The following PCDHGA6 variants were observed in gnomAD, a reference collection of about 807,000 sequenced individuals.
PCDHGA6 encodes protocadherin gamma-A6.
Under a neutral mutation model 60.6 loss-of-function variants are expected in PCDHGA6, and 41 were observed. The ratio of observed to expected loss-of-function variants is 0.68; its 90% CI spans 0.53 to 0.88. The LOEUF is 0.88. Ranked by LOEUF, PCDHGA6 falls within the 40% of genes least tolerant of loss-of-function variation. The pLI, the probability that PCDHGA6 is intolerant of heterozygous loss-of-function variation, is 0.00. For synonymous variants in PCDHGA6, 594 were observed against 524.4 expected, an observed-to-expected ratio of 1.13 and a Z score of -1.81; for missense variants, 1,312 against 1,203.0, an observed-to-expected ratio of 1.09 and a Z score of -1.34.
intron 1 of PCDHGA6, chr5:141,417,232 G>A (rs997894028): frequency 6.6e-6 from 1 of 152,072 alleles, no homozygotes; most frequent in Admixed American, 6.6e-5. Context: ...AAAATTTGTT[G>A]CTTATCTTCA....
rs747156698 is a variant in PCDHGA6 at position 141,385,112 on chromosome 5, C to T, written c.2424+8605C>T. ...GGTGGCTTGGCGAACGTGCCCACCT[C>T]GCACTTTGTGGGCATGGACGGGGTG... On this transcript the variant is annotated intron_variant, in intron 1 of 3. Coordinates refer to ENST00000517434, the MANE Select transcript of PCDHGA6 (RefSeq NM_018919.3). 6 of 1,614,200 alleles carry T rather than the reference C, an allele frequency of 3.7e-6. No homozygotes were observed. The highest frequency in any genetic ancestry group is 2.7e-5 in the African/African-American group (2 of 75,070).
intron 1 of PCDHGA6, among the ~76,000 whole-genome samples, chr5:141,401,410 A>C (rs536817103): frequency 6.6e-6 from 1 of 152,236 alleles, no homozygotes; most frequent in South Asian, 2.1e-4. Flanking sequence ...TGAGAGAGAA[A>C]GAGAGAGACT....
intron 1 of PCDHGA6, chr5:141,414,528 C>T: frequency 6.2e-7 from 1 of 1,613,970 alleles, no homozygotes; most frequent in Non-Finnish European, 8.5e-7. Flanking sequence ...ATATCAATGA[C>T]AACCCACCTA....
Position 141,486,558 on chromosome 5 carries a change from T to C in PCDHGA6, c.2425-8249T>C, listed in dbSNP as rs544575797. 1 of 1,614,034 alleles carries C rather than the reference T, an allele frequency of 6.2e-7. No homozygotes were observed. Among genetic ancestry groups the C allele is most frequent in the Non-Finnish European group, 8.5e-7 (1 of 1,180,012 alleles). ...TCTTTCTTTCAGAGGTCACATGAGG[T>C]GTTTGTTCCTGAGAACAATCGCCCA... On this transcript the variant is annotated intron_variant, in intron 1 of 3. Coordinates refer to ENST00000517434, the MANE Select transcript of PCDHGA6 (RefSeq NM_018919.3). This position sits in a 1 kb window ranked among gnomAD's most constrained non-coding sequence, Gnocchi z 5.0.
intron 1 of PCDHGA6, chr5:141,393,806 CA>C (rs1489692597): frequency 6.2e-7 from 1 of 1,613,866 alleles, no homozygotes; most frequent in Non-Finnish European, 8.5e-7. Context: ...TGGGGAGGAC[CA>C]AATTGCTCAT....
intron 1 of PCDHGA6, among the ~76,000 whole-genome samples, chr5:141,464,286 A>AT (rs1453289283): frequency 6.6e-6 from 1 of 151,420 alleles, no homozygotes; most frequent in African/African-American, 2.4e-5. Flanking sequence ...AAGCAAAAAA[A>AT]AAAACTCCAT....
chr5:141,398,900 G>C (rs765284630), intron 1 of PCDHGA6: 1 of 1,613,964 alleles, frequency 6.2e-7, no homozygotes, highest in South Asian at 1.1e-5. Context: ...GTGCCACCAG[G>C]CACCACTGTG....
intron 1 of PCDHGA6, chr5:141,421,895 GA>G: frequency 6.2e-7 from 1 of 1,613,730 alleles, no homozygotes; most frequent in African/African-American, 1.3e-5. Flanking sequence ...GATCCCATCC[GA>G]AAGGGCGCAG....
At position 141,476,994 on chromosome 5, in the gene PCDHGA6, A is replaced by T; in HGVS notation, c.2425-17813A>T. 6.2e-7 allele frequency: 1 copy of T among 1,614,260 alleles called. No individual in the cohort carries two copies. The highest frequency in any genetic ancestry group is 2.2e-5 in the East Asian group (1 of 44,884). On this transcript the variant is annotated intron_variant, in intron 1 of 3. Transcript: ENST00000517434. This position sits in a 1 kb window ranked among gnomAD's most constrained non-coding sequence, Gnocchi z 7.6. ...AGCCACAACCGCGCCGGCGTGCGGC[A>T]ACTATTCGCCTTAGACCTTGTAACC...
chr5:141,410,410 A>G, intron 1 of PCDHGA6: 1 of 1,613,986 alleles, frequency 6.2e-7, no homozygotes, highest in Non-Finnish European at 8.5e-7. Context: ...TCAAGTCTGG[A>G]CCTGTAGTTC....
rs746913952 is a variant in PCDHGA6, at chr5:141,432,898, G to T, written c.2424+56391G>T. 2.5e-6 allele frequency: 4 copies of T among 1,614,174 alleles called. No individual in the cohort carries two copies. Among genetic ancestry groups the T allele is most frequent in the Admixed American group, 3.3e-5 (2 of 60,034 alleles). ...TGGCCTTCGTCATCTTGCTGCTGGC[G>T]CTCAGGCTGCGGCGCTGGCACAAGT... On this transcript the variant is annotated intron_variant, in intron 1 of 3. Coordinates refer to ENST00000517434, the MANE Select transcript of PCDHGA6 (RefSeq NM_018919.3). The surrounding 1 kb of genome is among the most constrained non-coding windows in gnomAD (Gnocchi z 6.0).
At chr5:141,409,942 C>T (rs1168442761) in intron 1 of PCDHGA6, 4 of 1,613,284 alleles carry the variant, frequency 2.5e-6, no homozygotes, top group South Asian at 1.1e-5. Flanking sequence ...TGGTACCTCG[C>T]TCTGCAGAGC....
intron 1 of PCDHGA6, chr5:141,410,320 C>G (rs752279818): frequency 8.1e-6 from 13 of 1,613,880 alleles, no homozygotes; most frequent in African/African-American, 2.7e-5. Context: ...TCCTCCTCGC[C>G]GTGATTCTGG....
At chr5:141,445,573 A>G (rs1311326050) in intron 1 of PCDHGA6, among the ~76,000 whole-genome samples, 1 of 152,248 alleles carries the variant, frequency 6.6e-6, no homozygotes, top group Admixed American at 6.5e-5. Flanking sequence ...AGCTTATAGT[A>G]GGGAAGCTTC....
intron 1 of PCDHGA6, among the ~76,000 whole-genome samples, chr5:141,472,508 C>T (rs140607073): frequency 0.01 from 1,548 of 151,922 alleles, 35 homozygotes; most frequent in African/African-American, 0.035. Flanking sequence ...CCACTGCACT[C>T]CAGCCTGGGT....
At chr5:141,430,301 C>G (rs985986465) in intron 1 of PCDHGA6, among the ~76,000 whole-genome samples, 2 of 150,982 alleles carry the variant, frequency 1.3e-5, no homozygotes, top group Non-Finnish European at 2.9e-5. Context: ...AGCAGATGCA[C>G]TAACATTATA....
chr5:141,453,302 T>C (rs189741118), intron 1 of PCDHGA6, among the ~76,000 whole-genome samples: 18 of 152,008 alleles, frequency 1.2e-4, no homozygotes, highest in Middle Eastern at 6.8e-3. Flanking sequence ...TTTATTTATT[T>C]ATTTATTTAT....
chr5:141,386,866 A>G (rs2150322529), intron 1 of PCDHGA6, among the ~76,000 whole-genome samples: 1 of 152,364 alleles, frequency 6.6e-6, no homozygotes, highest in East Asian at 1.9e-4. Context: ...AGCTATTGCA[A>G]TCAAACTTTC....
intron 1 of PCDHGA6, among the ~76,000 whole-genome samples, chr5:141,386,755 G>A (rs72790029): frequency 0.064 from 9,806 of 152,198 alleles, 370 homozygotes; most frequent in African/African-American, 0.1. Context: ...GCAGAACTAC[G>A]GTTATAAGGT....
Sources: allele counts gnomAD v4.1 joint callset (sites outside exome capture counted in the v4.1 genomes callset), GRCh38; gene constraint gnomAD v4.1.1; non-coding constraint Gnocchi (gnomAD v3.1); transcripts MANE v1.5; gene names NCBI Gene and HGNC (gene_info 2026-07-23, HGNC 2026-07-21).